Variants in STK10 observed in about 807,000 individuals in gnomAD.
STK10 encodes the protein serine/threonine-protein kinase 10.
STK10 carries 78 observed loss-of-function variants against 113.8 expected under a neutral mutation model. The observed-to-expected ratio is 0.69, with a 90% confidence interval of 0.57 to 0.83. The LOEUF is 0.83. STK10 is among the 40% of genes least tolerant of loss of function. The pLI is 0.00. For synonymous variants in STK10, 465 were observed against 494.7 expected, an observed-to-expected ratio of 0.94 and a Z score of 0.80; for missense variants, 1,109 against 1,280.1, an observed-to-expected ratio of 0.87 and a Z score of 2.04.
At chr5:172,154,946 C>T (rs1196887782) in intron 2 of STK10, among the ~76,000 whole-genome samples, 1 of 152,154 alleles carries the variant, frequency 6.6e-6, no homozygotes, top group Non-Finnish European at 1.5e-5. Flanking sequence ...ATGCTAGCTA[C>T]TATAAGTAGT....
At position 172,156,589 on chromosome 5, in the gene STK10, G is replaced by C. The variant is rs754050934; in HGVS notation, c.321+35C>G. On this transcript the variant is annotated intron_variant, in intron 2 of 18. Coordinates refer to ENST00000176763, the MANE Select transcript of STK10 (RefSeq NM_005990.4). ...CTAGCTCCAGAGCACCAGGCCATGG[G>C]GGCTGAGCTGGGACAGACAGGGCGG... The C allele has an allele frequency of 3.1e-6, 5 of 1,596,086 alleles. No individual in the cohort carries two copies. In the East Asian group the frequency reaches 1.1e-4, roughly 36 times the overall value.
intron 2 of STK10, among the ~76,000 whole-genome samples, chr5:172,151,045 C>T (rs1230730521): frequency 1.3e-5 from 2 of 152,240 alleles, no homozygotes; most frequent in Non-Finnish European, 2.9e-5. Context: ...ACACCAGGCC[C>T]CGTGCCGGGG....
intron 3 of STK10, among the ~76,000 whole-genome samples, chr5:172,117,837 A>C (rs112213760): frequency 6.6e-6 from 1 of 151,904 alleles, no homozygotes; most frequent in Non-Finnish European, 1.5e-5. Flanking sequence ...AGATGTTGAA[A>C]TCCCACCTCT....
intron 8 of STK10, among the ~76,000 whole-genome samples, 165 bp from the exon 9 acceptor site, chr5:172,094,125 T>C (rs1768792741): frequency 6.6e-6 from 1 of 152,164 alleles, no homozygotes; most frequent in Non-Finnish European, 1.5e-5. Flanking sequence ...CCCTATTGCC[T>C]AACCGTAATA....
intron 5 of STK10, 161 bp from the exon 6 acceptor site, chr5:172,106,975 T>G: frequency 1.5e-6 from 1 of 648,442 alleles, no homozygotes; most frequent in Non-Finnish European, 2.4e-6. Context: ...CTTAGGACGC[T>G]CTTCCACAGA....
At position 172,083,612 on chromosome 5, in the gene STK10, G is replaced by C. The variant is rs2113732553; in HGVS notation, c.1686-528C>G. Among the ~76,000 whole-genome samples the C allele has an allele frequency of 2.0e-5, 3 of 152,202 alleles. No homozygotes were observed. The Middle Eastern group carries it at 0.01, about 518-fold the overall frequency. On this transcript the variant is annotated intron_variant, in intron 10 of 18. Coordinates refer to ENST00000176763, the MANE Select transcript of STK10 (RefSeq NM_005990.4). ...ATATTTATAGATGCACAAAACCACT[G>C]AATAAGAATATTCAGCTGGGTGTGG...
chr5:172,075,316 T>C (rs1425875992), intron 12 of STK10, among the ~76,000 whole-genome samples: 1 of 152,186 alleles, frequency 6.6e-6, no homozygotes, highest in Non-Finnish European at 1.5e-5. Context: ...ACTGTTGATA[T>C]TCAGTAGTAA....
At chr5:172,129,295 T>A (rs1227903600) in intron 2 of STK10, among the ~76,000 whole-genome samples, 1 of 152,204 alleles carries the variant, frequency 6.6e-6, no homozygotes, top group Admixed American at 6.5e-5. Flanking sequence ...GCCACTTGCC[T>A]TGGAGGGCTG....
intron 12 of STK10, among the ~76,000 whole-genome samples, chr5:172,069,093 G>A (rs867644689): frequency 1.6e-4 from 24 of 151,646 alleles, no homozygotes; most frequent in Middle Eastern, 3.2e-3. Flanking sequence ...ACTAATTCAT[G>A]AATTAAAAAA....
intron 12 of STK10, among the ~76,000 whole-genome samples, chr5:172,079,481 CTTTT>C (rs1357402059): frequency 6.6e-6 from 1 of 152,018 alleles, no homozygotes; most frequent in Admixed American, 6.6e-5. Context: ...CAATATTGGA[CTTTT>C]TGTTTGTTTG....
chr5:172,156,842 C>G, intron 1 of STK10, 54 bp from the exon 2 acceptor site: 1 of 1,571,276 alleles, frequency 6.4e-7, no homozygotes, highest in Non-Finnish European at 8.7e-7. Flanking sequence ...GGAAACTGAC[C>G]TTTGGACGTG....
At chr5:172,175,829 A>G (rs3776749) in intron 1 of STK10, among the ~76,000 whole-genome samples, 8 of 152,020 alleles carry the variant, frequency 5.3e-5, no homozygotes, top group African/African-American at 1.9e-4. Flanking sequence ...AGCCCTGCCA[A>G]AAAAAAGCTA....
In STK10 at chr5:172,117,566, G is replaced by A; in HGVS notation, c.435C>T (p.Leu145=). The change falls in exon 4 of 19, where the codon CTC becomes CTT. Residue 145 remains leucine (L), a synonymous_variant. Coordinates refer to ENST00000176763, the MANE Select transcript of STK10 (RefSeq NM_005990.4). ...QVVCRQMLEA[L]NFLHSKRIIH... is the part of the protein sequence containing the mutation. ...TGATCCTCTTGCTGTGCAGGAAGTT[G>A]AGGGCTTCTAGCATCTGGCGGCAAA... 1 of 1,614,008 alleles carries A rather than the reference G, an allele frequency of 6.2e-7. No individual in the cohort carries two copies. The highest frequency in any genetic ancestry group is 1.1e-5 in the South Asian group (1 of 91,066).
intron 12 of STK10, among the ~76,000 whole-genome samples, chr5:172,072,274 CTTTTTTTTTT>C (rs946734301): frequency 4.5e-5 from 6 of 134,136 alleles, no homozygotes. Flanking sequence ...CTTTTCTTTT[CTTTTTTTTTT>C]GAGATGGAGT....
intron 6 of STK10, among the ~76,000 whole-genome samples, 163 bp from the exon 7 acceptor site, chr5:172,105,900 A>G (rs1769093685): frequency 6.6e-6 from 1 of 152,156 alleles, no homozygotes; most frequent in South Asian, 2.1e-4. Context: ...TTCATCATGG[A>G]CACCACTGTC....
chr5:172,168,013 T>C (rs1453135015), intron 1 of STK10, among the ~76,000 whole-genome samples: 1 of 152,222 alleles, frequency 6.6e-6, no homozygotes, highest in Non-Finnish European at 1.5e-5. Context: ...CCTAGCAACC[T>C]GGCTGAGTGG....
At chr5:172,128,024 C>T (rs1769662265) in intron 2 of STK10, among the ~76,000 whole-genome samples, 1 of 152,190 alleles carries the variant, frequency 6.6e-6, no homozygotes, top group Non-Finnish European at 1.5e-5. Context: ...TCAGGTCATT[C>T]ATTCATTCAT....
At chr5:172,117,000 C>T (rs1429857135) in intron 4 of STK10, among the ~76,000 whole-genome samples, 1 of 152,118 alleles carries the variant, frequency 6.6e-6, no homozygotes, top group African/African-American at 2.4e-5. Context: ...AGAAGCTGGC[C>T]AGGCACAGTG....
In STK10 at chr5:172,042,736, G is replaced by T. The variant is rs1767405240; in HGVS notation, c.*2146C>A. On this transcript the variant is annotated 3_prime_UTR_variant, in exon 19 of 19. Transcript: ENST00000176763. The stretch of plus-strand genomic sequence containing the variant: ...TGTTTCGCTTGTCTCATTTGTGAGA[G>T]ACCTAAAAAACACCCCCATCTGGGT... 6.6e-6 allele frequency: 1 copy of T among 152,184 alleles called. No homozygotes were observed. The highest frequency in any genetic ancestry group is 6.5e-5 in the Admixed American group (1 of 15,270). The allele number at this position is 152,184 out of a possible 1,614,324, so 9.4% of individuals were successfully genotyped here.
Sources: allele counts gnomAD v4.1 joint callset (sites outside exome capture counted in the v4.1 genomes callset), GRCh38; gene constraint gnomAD v4.1.1; transcripts MANE v1.5; gene names NCBI Gene and HGNC (gene_info 2026-07-23, HGNC 2026-07-21).